Variants in SUPT3H observed in about 807,000 individuals in gnomAD.
SUPT3H encodes the protein SPT3 homolog, SAGA and STAGA complex component, also known as transcription initiation protein SPT3 homolog.
Under a neutral mutation model 44.3 loss-of-function variants are expected in SUPT3H, and 44 were observed. That is an observed-to-expected ratio of 0.99 (90% confidence interval 0.78 to 1.28). The LOEUF is 1.28. Ranked by LOEUF, SUPT3H falls within the 50% of genes most tolerant of loss-of-function variation. The pLI is 0.00. For synonymous variants in SUPT3H, 124 were observed against 125.6 expected, an observed-to-expected ratio of 0.99 and a Z score of 0.09; for missense variants, 380 against 387.1, an observed-to-expected ratio of 0.98 and a Z score of 0.15.
intron 2 of SUPT3H, among the ~76,000 whole-genome samples, chr6:45,302,830 CCA>C (rs1246851264): frequency 2.0e-5 from 3 of 152,076 alleles, no homozygotes; most frequent in Non-Finnish European, 4.4e-5. Context: ...TGCCTTTTCA[CCA>C]CATCCATGGC....
At chr6:45,169,193 G>C (rs1162714795) in intron 2 of SUPT3H, among the ~76,000 whole-genome samples, 1 of 152,110 alleles carries the variant, frequency 6.6e-6, no homozygotes, top group Non-Finnish European at 1.5e-5. Context: ...AAAATATTAA[G>C]CCAAAATTAG....
At chr6:45,335,661 G>T (rs996740582) in intron 2 of SUPT3H, among the ~76,000 whole-genome samples, 4 of 151,162 alleles carry the variant, frequency 2.6e-5, no homozygotes, top group Non-Finnish European at 5.9e-5. Flanking sequence ...TTTCCATAAA[G>T]CTGATACCTG....
intron 10 of SUPT3H, among the ~76,000 whole-genome samples, chr6:44,914,691 T>C (rs1767551964): frequency 6.6e-6 from 1 of 152,232 alleles, no homozygotes; most frequent in Admixed American, 6.5e-5. Context: ...AATTGGACTC[T>C]ATCAGGTGGC....
chr6:45,054,507 G>C (rs190603393), intron 3 of SUPT3H, among the ~76,000 whole-genome samples: 2 of 152,110 alleles, frequency 1.3e-5, no homozygotes, highest in East Asian at 1.9e-4. Context: ...ATTTCTGAAG[G>C]CTCCTGTGTC....
At chr6:45,305,378 T>A (rs1183471606) in intron 2 of SUPT3H, among the ~76,000 whole-genome samples, 1 of 152,238 alleles carries the variant, frequency 6.6e-6, no homozygotes, top group Non-Finnish European at 1.5e-5. Context: ...TGAATGGTCG[T>A]GTTTTGAAAT....
At chr6:45,161,307 C>T (rs970917154) in intron 2 of SUPT3H, among the ~76,000 whole-genome samples, 2 of 152,068 alleles carry the variant, frequency 1.3e-5, no homozygotes, top group African/African-American at 2.4e-5. Context: ...GGAAGCATTA[C>T]CTGGGCCTGA....
intron 2 of SUPT3H, among the ~76,000 whole-genome samples, chr6:45,222,356 A>G (rs1212009247): frequency 6.6e-6 from 1 of 152,142 alleles, no homozygotes; most frequent in Non-Finnish European, 1.5e-5. Context: ...AAAACTACAA[A>G]CAATCCAATT....
chr6:44,939,276 C>A (rs541900085), intron 9 of SUPT3H, among the ~76,000 whole-genome samples: 1 of 152,140 alleles, frequency 6.6e-6, no homozygotes, highest in Non-Finnish European at 1.5e-5. Context: ...TTTTATAATG[C>A]AGGGATGCTG....
chr6:44,990,410 T>C (rs114810855), intron 6 of SUPT3H, among the ~76,000 whole-genome samples: 3,302 of 152,234 alleles, frequency 0.022, 63 homozygotes, highest in South Asian at 0.086. Context: ...TAGGAGGTGA[T>C]TGAATCATGG....
intron 11 of SUPT3H, among the ~76,000 whole-genome samples, chr6:44,821,066 G>T (rs1366671620): frequency 1.3e-5 from 2 of 152,108 alleles, no homozygotes; most frequent in African/African-American, 2.4e-5. Flanking sequence ...GCCCAGGCTG[G>T]TCTCCAATTC....
At chr6:44,842,621 T>TA (rs1256627108) in intron 10 of SUPT3H, among the ~76,000 whole-genome samples, 81 of 151,760 alleles carry the variant, frequency 5.3e-4, no homozygotes, top group African/African-American at 1.3e-3. Context: ...TATTTTTTTT[T>TA]AAAAAAATGC....
chr6:45,139,692 C>G (rs906867544), intron 2 of SUPT3H, among the ~76,000 whole-genome samples: 1 of 152,066 alleles, frequency 6.6e-6, no homozygotes, highest in Non-Finnish European at 1.5e-5. Context: ...GGGAGCCACA[C>G]GAAATATAAA....
chr6:45,008,016 A>T (rs1782963388), intron 5 of SUPT3H, among the ~76,000 whole-genome samples: 1 of 152,104 alleles, frequency 6.6e-6, no homozygotes, highest in Non-Finnish European at 1.5e-5. Context: ...TCAGTATTTA[A>T]TTCCTTTTTA....
At chr6:44,890,812 C>A (rs1440788783) in intron 10 of SUPT3H, among the ~76,000 whole-genome samples, 1 of 151,334 alleles carries the variant, frequency 6.6e-6, no homozygotes, top group Non-Finnish European at 1.5e-5. Flanking sequence ...TACTATGCAG[C>A]CATAAAACAG....
intron 9 of SUPT3H, among the ~76,000 whole-genome samples, chr6:44,937,336 A>G (rs2153463691): frequency 6.6e-6 from 1 of 152,134 alleles, no homozygotes; most frequent in South Asian, 2.1e-4. Context: ...TACTAAAAAT[A>G]TAAAAAAATT....
chr6:45,038,570 T>C lies in SUPT3H; in HGVS notation c.187-17938A>G, dbSNP rs181345533. Among the ~76,000 whole-genome samples the C allele has an allele frequency of 1.6e-3, 246 of 152,298 alleles. 2 individuals carry two copies. Among genetic ancestry groups the C allele is most frequent in the African/African-American group, 5.5e-3 (229 of 41,574 alleles). ...GGTTAGTAAGTGACTGAGTCCACTT[T>C]TGGCTTTAAAACATGTACAAATAGC... is the stretch of plus-strand genomic sequence containing the variant. On this transcript the variant is annotated intron_variant, in intron 3 of 10. Coordinates refer to ENST00000371459, the MANE Select transcript of SUPT3H (RefSeq NM_003599.4).
At chr6:45,035,242 C>T (rs553741002) in intron 3 of SUPT3H, among the ~76,000 whole-genome samples, 1 of 152,222 alleles carries the variant, frequency 6.6e-6, no homozygotes, top group South Asian at 2.1e-4. Context: ...AGACCTGACA[C>T]TGTTATGTGA....
At chr6:45,017,160 T>C (rs1277428201) in intron 4 of SUPT3H, among the ~76,000 whole-genome samples, 1 of 151,870 alleles carries the variant, frequency 6.6e-6, no homozygotes, top group African/African-American at 2.4e-5. Flanking sequence ...GAAGTGTCTG[T>C]TCATATCCTT....
intron 10 of SUPT3H, among the ~76,000 whole-genome samples, chr6:44,880,643 G>C (rs1561947076): frequency 6.6e-6 from 1 of 152,148 alleles, no homozygotes; most frequent in Non-Finnish European, 1.5e-5. Flanking sequence ...CACCAAGGTT[G>C]AAATGAAGTA....
Sources: gnomAD v4.1 joint callset for allele counts (sites outside exome capture counted in the v4.1 genomes callset) on GRCh38, gnomAD v4.1.1 for gene constraint, MANE v1.5 for transcripts, NCBI Gene and HGNC (gene_info 2026-07-23, HGNC 2026-07-21) for gene names.